Variants in DCDC1 observed in about 807,000 individuals in gnomAD.
The protein encoded by DCDC1 is doublecortin domain-containing protein 1.
In DCDC1, 200 loss-of-function variants were observed where a neutral mutation model predicts 178.3. That is an observed-to-expected ratio of 1.12 (90% CI 1.00 to 1.26). The LOEUF (loss-of-function observed/expected upper bound fraction) is 1.26. Among genes scored for constraint, DCDC1 ranks in the 50% most tolerant of loss-of-function variants. The pLI is 0.00. For synonymous variants in DCDC1, 690 were observed against 604.8 expected, an observed-to-expected ratio of 1.14 and a Z score of -2.07; for missense variants, 1,983 against 1,749.2, an observed-to-expected ratio of 1.13 and a Z score of -2.38.
At chr11:31,202,434 G>T (rs1225476675) in intron 9 of DCDC1, among the ~76,000 whole-genome samples, 1 of 151,964 alleles carries the variant, frequency 6.6e-6, no homozygotes, top group Admixed American at 6.6e-5. Context: ...AGTTGACTGT[G>T]GTGGCATTTG....
chr11:31,225,639 CTG>C (rs1447749376), intron 9 of DCDC1, among the ~76,000 whole-genome samples: 2 of 148,146 alleles, frequency 1.4e-5, no homozygotes, highest in Admixed American at 6.7e-5. Flanking sequence ...TAAAATATGA[CTG>C]GAGATTCAGA....
At chr11:30,893,755 T>C (rs753146983) in intron 35 of DCDC1, among the ~76,000 whole-genome samples, 2 of 152,224 alleles carry the variant, frequency 1.3e-5, no homozygotes, top group African/African-American at 4.8e-5. Flanking sequence ...TCCCCGGTCC[T>C]CTCTCAACAG....
intron 20 of DCDC1, among the ~76,000 whole-genome samples, chr11:31,034,469 T>A (rs1953887659): frequency 6.6e-6 from 1 of 152,194 alleles, no homozygotes; most frequent in South Asian, 2.1e-4. Context: ...ACAAGCTCCA[T>A]TCATGGTAAG....
chr11:31,304,249 C>T (rs116143865), intron 6 of DCDC1, among the ~76,000 whole-genome samples: 1,593 of 152,188 alleles, frequency 0.01, 33 homozygotes, highest in African/African-American at 0.037. Flanking sequence ...TTCTACAATA[C>T]CATTATTCAT....
chr11:31,358,364 C>T (rs1172697538), intron 1 of DCDC1, among the ~76,000 whole-genome samples: 1 of 151,950 alleles, frequency 6.6e-6, no homozygotes, highest in Non-Finnish European at 1.5e-5. Flanking sequence ...ATAAATGGTG[C>T]TGGGAAAACT....
chr11:31,265,426 T>G, intron 8 of DCDC1, 81 bp downstream of exon 8: 1 of 672,312 alleles, frequency 1.5e-6, no homozygotes, highest in Non-Finnish European at 2.2e-6. Flanking sequence ...TATGTTTTTC[T>G]TTTAAATGTT....
In DCDC1 at chr11:31,103,732, G is replaced by A. The variant is rs372865844; in HGVS notation, c.1789C>T (p.Arg597Ter). 1.2e-5 allele frequency: 9 copies of A among 765,022 alleles called. No individual in the cohort carries two copies. The highest frequency in any genetic ancestry group is 6.8e-5 in the African/African-American group (4 of 59,038). 47.4% of individuals were successfully genotyped at this position (765,022 alleles called of 1,614,324 possible). A position where few individuals can be genotyped will look rare whatever the true frequency, so the allele number is the denominator to read the frequency against. Residue 597 changes from arginine to a stop codon, truncating the protein, a stop_gained, in exon 14 of 39, where the codon CGA becomes TGA. Coordinates refer to ENST00000684477, the MANE Select transcript of DCDC1 (RefSeq NM_001387274.1). LOFTEE classifies it high-confidence loss of function. ...LNLALGLTFD[R>*]VSAFARGDIM... is the part of the protein sequence containing the mutation. ...TCACCTCTGGCAAATGCACTCACTCGGTCAAAGGTCAAACCCAAAGCAAGA... is the reference window on the plus strand; with the variant it reads ...TCACCTCTGGCAAATGCACTCACTCAGTCAAAGGTCAAACCCAAAGCAAGA...
rs141611736 is a variant in DCDC1 at position 31,095,833 on chromosome 11, G to T, written c.1984-1649C>A. Among the ~76,000 whole-genome samples the T allele has an allele frequency of 4.2e-3, 642 of 152,108 alleles. 1 individual carries two copies. Among genetic ancestry groups the T allele is most frequent in the African/African-American group, 0.015 (621 of 41,488 alleles). Reference sequence around the variant, plus strand: ...ATAAACTTTATCTCCTAAATTATACGATCACTTTCACTGAGTAATTATTCT... The same window carrying T: ...ATAAACTTTATCTCCTAAATTATACTATCACTTTCACTGAGTAATTATTCT... On this transcript the variant is annotated intron_variant, in intron 15 of 38. Coordinates refer to ENST00000684477, the MANE Select transcript of DCDC1 (RefSeq NM_001387274.1).
chr11:31,277,619 G>T (rs2137240992), intron 7 of DCDC1, among the ~76,000 whole-genome samples: 1 of 152,176 alleles, frequency 6.6e-6, no homozygotes, highest in African/African-American at 2.4e-5. Flanking sequence ...ATTTTAATGT[G>T]TGTATAGTGG....
chr11:31,009,798 G>A (rs1294254379), intron 20 of DCDC1, among the ~76,000 whole-genome samples: 1 of 152,138 alleles, frequency 6.6e-6, no homozygotes, highest in Non-Finnish European at 1.5e-5. Context: ...AAGGGAAGAG[G>A]TTTAATTGAC....
intron 20 of DCDC1, among the ~76,000 whole-genome samples, chr11:31,055,316 T>TA (rs1187844840): frequency 6.6e-6 from 1 of 152,074 alleles, no homozygotes. Context: ...ATGGCCATAA[T>TA]AAAAAAATCA....
At chr11:30,876,303 C>T (rs568203775) in intron 38 of DCDC1, among the ~76,000 whole-genome samples, 1 of 152,294 alleles carries the variant, frequency 6.6e-6, no homozygotes, top group East Asian at 1.9e-4. Context: ...GATGGCTGAA[C>T]AGATTTGCAA....
intron 21 of DCDC1, among the ~76,000 whole-genome samples, chr11:30,938,005 T>G (rs1362714143): frequency 6.6e-6 from 1 of 152,012 alleles, no homozygotes; most frequent in East Asian, 1.9e-4. Flanking sequence ...CGGGCTCTGT[T>G]CCTCCTCAAT....
Position 31,273,830 on chromosome 11 carries a change from G to A in DCDC1, c.961-8230C>T, listed in dbSNP as rs1945771715. On this transcript the variant is annotated intron_variant, in intron 7 of 38. Coordinates refer to ENST00000684477, the MANE Select transcript of DCDC1 (RefSeq NM_001387274.1). ...GGACTTACAGTTCCACATGGCTGGGGAGGCTTCACACTCATGGTAGAAGGC... is the reference window on the plus strand; with the variant it reads ...GGACTTACAGTTCCACATGGCTGGGAAGGCTTCACACTCATGGTAGAAGGC... Among the ~76,000 whole-genome samples the A allele has an allele frequency of 2.0e-5, 3 of 152,154 alleles. No homozygotes were observed. The South Asian group carries it at 6.2e-4, about 32-fold the overall frequency.
chr11:31,344,102 T>C (rs1208032688), intron 1 of DCDC1, among the ~76,000 whole-genome samples: 2 of 152,136 alleles, frequency 1.3e-5, no homozygotes, highest in South Asian at 2.1e-4. Context: ...AAGTAGAATA[T>C]GCAAAATACA....
chr11:31,143,657 G>T (rs528109139), intron 9 of DCDC1, among the ~76,000 whole-genome samples: 1 of 152,172 alleles, frequency 6.6e-6, no homozygotes, highest in African/African-American at 2.4e-5. Flanking sequence ...GCTTAACTCA[G>T]TAGCAATCTT....
intron 7 of DCDC1, among the ~76,000 whole-genome samples, chr11:31,283,096 A>G: frequency 6.6e-6 from 1 of 152,134 alleles, no homozygotes; most frequent in East Asian, 1.9e-4. Flanking sequence ...AGCTTCTTAG[A>G]TATGTGGGTT....
rs1290472699 is a variant in DCDC1 at position 31,254,054 on chromosome 11, GC to G, written c.1054+11452del. ...AGTGAAAAATAATACATTTCTATAAGCCACTGAAAGTTATAGGGCAAAATAA... is the reference window on the plus strand; with the variant it reads ...AGTGAAAAATAATACATTTCTATAAGCACTGAAAGTTATAGGGCAAAATAA... On this transcript the variant is annotated intron_variant, in intron 8 of 38. Transcript: ENST00000684477. Among the ~76,000 whole-genome samples the G allele has an allele frequency of 3.9e-5, 6 of 152,272 alleles. No homozygotes were observed. The South Asian group carries it at 6.2e-4, about 16-fold the overall frequency.
chr11:30,923,401 C>CTTTT (rs10637054), intron 23 of DCDC1, among the ~76,000 whole-genome samples: 18 of 130,572 alleles, frequency 1.4e-4, no homozygotes, highest in African/African-American at 3.7e-4. Context: ...TCCTCTTCTC[C>CTTTT]TTTTTTTTTT....
Sources: gnomAD v4.1 joint callset for allele counts (sites outside exome capture counted in the v4.1 genomes callset) on GRCh38, gnomAD v4.1.1 for gene constraint, MANE v1.5 for transcripts, NCBI Gene and HGNC (gene_info 2026-07-23, HGNC 2026-07-21) for gene names.